The following COG4 variants were observed in gnomAD, a reference collection of about 807,000 sequenced individuals.
The protein encoded by COG4 is conserved oligomeric Golgi complex subunit 4.
A neutral mutation model predicts 95.1 loss-of-function variants in COG4; 65 were observed. That is an observed-to-expected ratio of 0.68 (90% confidence interval 0.56 to 0.84). The LOEUF (loss-of-function observed/expected upper bound fraction) is 0.84, where lower values mean the gene tolerates loss of function less well. Among genes scored for constraint, COG4 ranks in the 40% least tolerant of loss-of-function variants. COG4 has a pLI of 0.00. For synonymous variants in COG4, 421 were observed against 374.8 expected, an observed-to-expected ratio of 1.12 and a Z score of -1.42; for missense variants, 1,045 against 989.1, an observed-to-expected ratio of 1.06 and a Z score of -0.76.
At chr16:70,523,016 A>C in intron 1 of COG4, 1 of 294,558 alleles carries the variant, frequency 3.4e-6, no homozygotes, top group Non-Finnish European at 6.5e-6. Context: ...ATAATTTGTA[A>C]ATTAAGCCAA....
chr16:70,502,918 C>T (rs1002044100), intron 8 of COG4, among the ~76,000 whole-genome samples: 3 of 152,270 alleles, frequency 2.0e-5, no homozygotes, highest in South Asian at 4.1e-4. Context: ...CAATAAACAA[C>T]GAAGGGTCTT....
intron 5 of COG4, 21 bp downstream of exon 5, chr16:70,512,218 C>T (rs1324371124): frequency 1.9e-6 from 3 of 1,612,360 alleles, no homozygotes; most frequent in Non-Finnish European, 2.5e-6. Context: ...AATTATCCTG[C>T]CAAGCAATCA....
At chr16:70,495,336 G>A (rs545098277) in intron 12 of COG4, among the ~76,000 whole-genome samples, 3 of 150,300 alleles carry the variant, frequency 2.0e-5, no homozygotes, top group African/African-American at 7.4e-5. Flanking sequence ...GGCGGAGGTT[G>A]CAGTGAGCCA....
intron 5 of COG4, among the ~76,000 whole-genome samples, chr16:70,510,336 A>G (rs1043854059): frequency 6.6e-6 from 1 of 152,208 alleles, no homozygotes; most frequent in Non-Finnish European, 1.5e-5. Context: ...ATTTTTTAAA[A>G]TAAGACAGAA....
At chr16:70,492,041 T>C (rs2049255581) in intron 12 of COG4, among the ~76,000 whole-genome samples, 1 of 151,866 alleles carries the variant, frequency 6.6e-6, no homozygotes, top group East Asian at 1.9e-4. Context: ...CCAGGAAGAA[T>C]AATAAAGCAG....
In COG4 at chr16:70,481,019, C is replaced by T. The variant is rs2048978287; in HGVS notation, c.2361G>A (p.Leu787=). 6.2e-7 allele frequency: 1 copy of T among 1,612,690 alleles called. No homozygotes were observed. The highest frequency in any genetic ancestry group is 8.5e-7 in the Non-Finnish European group (1 of 1,180,032). The part of the protein sequence containing the change: ...IDFRSEDIKR[L]RL The stretch of plus-strand genomic sequence containing the variant: ...GTGCTCATCCAGGCAGCTACAGGCG[C>T]AGCCTCTTGATATCTTCACTGCGGA... The change falls in exon 19 of 19, where the codon CTG becomes CTA. Residue 787 remains leucine, a synonymous_variant. Transcript: ENST00000323786.
intron 8 of COG4, among the ~76,000 whole-genome samples, chr16:70,507,002 A>C (rs1015170807): frequency 1.3e-5 from 2 of 152,102 alleles, no homozygotes; most frequent in African/African-American, 4.8e-5. Flanking sequence ...GGATCACTTG[A>C]GCCCAGGAGT....
At chr16:70,485,093 A>C (rs1487340039) in intron 13 of COG4, among the ~76,000 whole-genome samples, 1 of 152,038 alleles carries the variant, frequency 6.6e-6, no homozygotes, top group Non-Finnish European at 1.5e-5. Flanking sequence ...GGAAAGGCTG[A>C]GCATGGTGGC....
intron 4 of COG4, among the ~76,000 whole-genome samples, chr16:70,514,025 G>A (rs761544534): frequency 6.6e-6 from 1 of 152,060 alleles, no homozygotes; most frequent in Non-Finnish European, 1.5e-5. Context: ...CTGTCCACAT[G>A]GTGAAACCCC....
intron 8 of COG4, among the ~76,000 whole-genome samples, chr16:70,506,593 C>CAAAAAA (rs1237710539): frequency 0.028 from 413 of 14,646 alleles, 150 homozygotes; most frequent in East Asian, 0.081. Flanking sequence ...GAGACTGCCT[C>CAAAAAA]AAAAAAAAAA....
At chr16:70,510,320 T>C (rs1252579637) in intron 5 of COG4, among the ~76,000 whole-genome samples, 1 of 152,168 alleles carries the variant, frequency 6.6e-6, no homozygotes, top group Admixed American at 6.5e-5. Context: ...AGGGTAACTT[T>C]CTATTATTTT....
At chr16:70,520,581 G>A (rs567629098) in intron 1 of COG4, among the ~76,000 whole-genome samples, 4 of 151,462 alleles carry the variant, frequency 2.6e-5, no homozygotes, top group African/African-American at 7.3e-5. Context: ...GCAGTGAGCC[G>A]AGATCGTGCC....
Position 70,481,753 on chromosome 16 carries a change from C to T in COG4, c.2106+11G>A. The T allele has an allele frequency of 6.2e-7, 1 of 1,611,910 alleles. No homozygotes were observed. Among genetic ancestry groups the T allele is most frequent in the Non-Finnish European group, 8.5e-7 (1 of 1,178,176 alleles). On this transcript the variant is annotated intron_variant, in intron 17 of 18. Transcript: ENST00000323786. ...AACGAGAGCCGCAGACCCATGACCCCTTTACCTTACCCGGTTAAAGGTGGA... is the reference window on the plus strand; with the variant it reads ...AACGAGAGCCGCAGACCCATGACCCTTTTACCTTACCCGGTTAAAGGTGGA...
intron 1 of COG4, 42 bp from the exon 2 acceptor site, chr16:70,519,773 G>T: frequency 6.9e-7 from 1 of 1,442,192 alleles, no homozygotes. Flanking sequence ...ATGATCAGAA[G>T]GAACCTTAAG....
At position 70,497,979 on chromosome 16, in the gene COG4, AT is replaced by A; in HGVS notation, c.1271del (p.Tyr424LeufsTer9). The A allele has an allele frequency of 6.2e-7, 1 of 1,613,084 alleles. No individual in the cohort carries two copies. The highest frequency in any genetic ancestry group is 8.5e-7 in the Non-Finnish European group (1 of 1,179,018). Reference protein sequence around the residue: ...SCTMQELIGLYVTMEEYFMRE... With the variant: ...SCTMQELIGLXVTMEEYFMRE... Reference sequence around the variant, plus strand: ...TCATGAAGTACTCCTCCATGGTAACATATAAGCCAATTAGCTCCTGCATGGT... The same window carrying A: ...TCATGAAGTACTCCTCCATGGTAACAATAAGCCAATTAGCTCCTGCATGGT... On this transcript the variant is annotated frameshift_variant, in exon 10 of 19. Transcript: ENST00000323786. LOFTEE classifies it high-confidence loss of function.
At chr16:70,486,609 G>A (rs547817701) in intron 13 of COG4, among the ~76,000 whole-genome samples, 1 of 152,322 alleles carries the variant, frequency 6.6e-6, no homozygotes, top group South Asian at 2.1e-4. Context: ...GCTCACTTAT[G>A]AATTTCTAAT....
Position 70,506,593 on chromosome 16 carries a change from C to CAAAAAAAAAAAAAAAA in COG4, c.1061+1797_1061+1812dup, listed in dbSNP as rs1237710539. ...CCTGGGCAACAGAGCGAGACTGCCT[C>CAAAAAAAAAAAAAAAA]AAAAAAAAAAAAAAAAAAAAAAAAC... On this transcript the variant is annotated intron_variant, in intron 8 of 18. Coordinates refer to ENST00000323786, the MANE Select transcript of COG4 (RefSeq NM_015386.3). 3.4e-4 allele frequency among the ~76,000 whole-genome samples: 5 copies of CAAAAAAAAAAAAAAAA among 14,692 alleles called. 1 individual carries two copies. Among genetic ancestry groups the CAAAAAAAAAAAAAAAA allele is most frequent in the African/African-American group, 7.1e-4 (3 of 4,246 alleles). The allele number at this position is 14,692 out of a possible 152,430, so 9.6% of individuals were successfully genotyped here.
At position 70,498,038 on chromosome 16, in the gene COG4, C is replaced by T; in HGVS notation, c.1213G>A (p.Asp405Asn). 6.2e-7 allele frequency: 1 copy of T among 1,612,332 alleles called. No individual in the cohort carries two copies. The highest frequency in any genetic ancestry group is 8.5e-7 in the Non-Finnish European group (1 of 1,178,388). Residue 405 changes from aspartate (D) to asparagine (N), a missense_variant, in exon 10 of 19, where the codon GAC becomes AAC. Coordinates refer to ENST00000323786, the MANE Select transcript of COG4 (RefSeq NM_015386.3). ...AAAAGGCAGTTATTGAGGAGTTTGTCCAGACACTTCTGGTGCTCTAGGGGA... is the reference window on the plus strand; with the variant it reads ...AAAAGGCAGTTATTGAGGAGTTTGTTCAGACACTTCTGGTGCTCTAGGGGA... ...EVKQEHQKCL[D>N]KLLNNCLLSC...
rs2049849965 is a variant in COG4, at chr16:70,517,610, A to AG, written c.369+15_369+16insC. The AG allele has an allele frequency of 7.8e-7, 1 of 1,284,454 alleles. No individual in the cohort carries two copies. Among genetic ancestry groups the AG allele is most frequent in the South Asian group, 1.2e-5 (1 of 80,726 alleles). 79.6% of individuals were successfully genotyped at this position (1,284,454 alleles called of 1,614,324 possible). A position where few individuals can be genotyped will look rare whatever the true frequency, so the allele number is the denominator to read the frequency against. On this transcript the variant is annotated intron_variant, in intron 3 of 18. Coordinates refer to ENST00000323786, the MANE Select transcript of COG4 (RefSeq NM_015386.3). ...CTCAAAAAAAAAAAAAAAAAAAAAA[A>AG]AGCTTGATGTATTACCTTGGCCAGG...
Sources: gnomAD v4.1 joint callset for allele counts (sites outside exome capture counted in the v4.1 genomes callset) on GRCh38, gnomAD v4.1.1 for gene constraint, MANE v1.5 for transcripts, NCBI Gene and HGNC (gene_info 2026-07-23, HGNC 2026-07-21) for gene names.